Variants in NCKAP5 observed in about 807,000 individuals in gnomAD.
The protein encoded by NCKAP5 is nck-associated protein 5.
Under a neutral mutation model 167.0 loss-of-function variants are expected in NCKAP5, and 92 were observed. The ratio of observed to expected loss-of-function variants is 0.55; its 90% CI spans 0.47 to 0.66. The LOEUF is 0.66. Ranked by LOEUF, NCKAP5 falls within the 30% of genes least tolerant of loss-of-function variation. NCKAP5 has a pLI of 0.00. For missense variants in NCKAP5, 2,378 were observed against 2,315.0 expected, an observed-to-expected ratio of 1.03 and a Z score of -0.56; for synonymous variants, 891 against 877.4, an observed-to-expected ratio of 1.02 and a Z score of -0.27.
intron 3 of NCKAP5, among the ~76,000 whole-genome samples, chr2:133,481,742 T>C (rs760577446): frequency 5.3e-5 from 8 of 152,228 alleles, no homozygotes; most frequent in African/African-American, 7.2e-5. Flanking sequence ...GCTCCATCCA[T>C]GTGCCTGCAA....
chr2:133,466,981 C>T (rs971046254), intron 3 of NCKAP5, among the ~76,000 whole-genome samples: 1 of 152,072 alleles, frequency 6.6e-6, no homozygotes, highest in African/African-American at 2.4e-5. Context: ...TTCCTCTTTT[C>T]CTAATTGAAT....
intron 7 of NCKAP5, among the ~76,000 whole-genome samples, chr2:132,993,914 C>T (rs1458480889): frequency 6.6e-5 from 10 of 151,440 alleles, no homozygotes; most frequent in Admixed American, 5.9e-4. Context: ...TCACCACAAA[C>T]TTATTTTTTG....
chr2:132,781,721 G>A (rs1683048244), intron 14 of NCKAP5, among the ~76,000 whole-genome samples: 1 of 152,262 alleles, frequency 6.6e-6, no homozygotes, highest in South Asian at 2.1e-4. Flanking sequence ...AAGGCCATTG[G>A]TTTGGTTAAC....
intron 10 of NCKAP5, among the ~76,000 whole-genome samples, chr2:132,868,027 T>C (rs1461351037): frequency 6.6e-6 from 1 of 152,162 alleles, no homozygotes. Context: ...TTTTAAAGAA[T>C]ATTTAAGTAT....
At chr2:133,026,291 G>C (rs1008038140) in intron 6 of NCKAP5, among the ~76,000 whole-genome samples, 2 of 151,746 alleles carry the variant, frequency 1.3e-5, no homozygotes, top group South Asian at 2.1e-4. Flanking sequence ...CCATTCTGTA[G>C]GTTGTTTGAT....
At chr2:133,334,346 G>A (rs747344475) in intron 3 of NCKAP5, among the ~76,000 whole-genome samples, 4 of 152,152 alleles carry the variant, frequency 2.6e-5, no homozygotes, top group Admixed American at 6.5e-5. Flanking sequence ...AAGTGCTCAC[G>A]GTGGTGGTAA....
intron 3 of NCKAP5, among the ~76,000 whole-genome samples, chr2:133,410,868 A>G (rs377068449): frequency 6.6e-6 from 1 of 152,326 alleles, no homozygotes; most frequent in South Asian, 2.1e-4. Context: ...AACCACCCCA[A>G]GACTACAACA....
At chr2:133,126,092 T>C (rs748813278) in intron 6 of NCKAP5, among the ~76,000 whole-genome samples, 7 of 152,244 alleles carry the variant, frequency 4.6e-5, no homozygotes, top group Non-Finnish European at 1.0e-4. Context: ...CAGCTGAAAC[T>C]GCATAAAATT....
intron 11 of NCKAP5, among the ~76,000 whole-genome samples, chr2:132,833,323 G>A (rs1687650804): frequency 6.6e-6 from 1 of 152,082 alleles, no homozygotes; most frequent in Non-Finnish European, 1.5e-5. Context: ...TGCAGGTTCT[G>A]TTCACTCTGT....
chr2:133,264,128 C>T (rs994912327), intron 4 of NCKAP5, among the ~76,000 whole-genome samples: 2 of 152,218 alleles, frequency 1.3e-5, no homozygotes, highest in African/African-American at 2.4e-5. Context: ...TGGTAATATA[C>T]ATGTTACGTG....
At chr2:133,674,160 G>A in the NCKAP5 span, among the ~76,000 whole-genome samples, 1 of 151,904 alleles carries the variant, frequency 6.6e-6, no homozygotes, top group East Asian at 1.9e-4. Context: ...AATAAAGCAA[G>A]GCATTTCCAA....
chr2:132,908,262 G>A (rs909086766), intron 8 of NCKAP5, among the ~76,000 whole-genome samples: 5 of 151,862 alleles, frequency 3.3e-5, no homozygotes, highest in African/African-American at 1.2e-4. Flanking sequence ...AGTAGCTGTG[G>A]CCTGATTTCT....
intron 17 of NCKAP5, among the ~76,000 whole-genome samples, chr2:132,730,366 A>G (rs1241673149): frequency 6.6e-6 from 1 of 152,184 alleles, no homozygotes; most frequent in African/African-American, 2.4e-5. Flanking sequence ...ATGGTGGCAC[A>G]TGACTGTAAT....
chr2:133,372,406 C>A (rs2150915618), intron 3 of NCKAP5, among the ~76,000 whole-genome samples: 1 of 152,258 alleles, frequency 6.6e-6, no homozygotes, highest in Non-Finnish European at 1.5e-5. Context: ...GGATTTTAAG[C>A]CTGTAAGGGA....
intron 11 of NCKAP5, among the ~76,000 whole-genome samples, chr2:132,837,194 C>T (rs939306287): frequency 6.6e-6 from 1 of 152,180 alleles, no homozygotes; most frequent in African/African-American, 2.4e-5. Flanking sequence ...GGTAGCTTCT[C>T]TTTCCCCCAT....
At chr2:132,808,804 G>C (rs192953330) in intron 11 of NCKAP5, among the ~76,000 whole-genome samples, 1 of 151,890 alleles carries the variant, frequency 6.6e-6, no homozygotes, top group Admixed American at 6.6e-5. Context: ...CCTTTCTACT[G>C]CTGGGTTTGA....
intron 8 of NCKAP5, among the ~76,000 whole-genome samples, chr2:132,949,427 G>A (rs6716135): frequency 0.21 from 32,547 of 152,014 alleles, 3,873 homozygotes; most frequent in Admixed American, 0.39. Context: ...CCCAGAGCCT[G>A]CTGAAATCAT....
intron 19 of NCKAP5, among the ~76,000 whole-genome samples, chr2:132,695,924 A>T (rs1233206844): frequency 2.6e-5 from 4 of 152,162 alleles, no homozygotes; most frequent in Non-Finnish European, 4.4e-5. Context: ...AGCTTTGTTG[A>T]TTATTTTTCT....
At chr2:132,883,899 G>A (rs1691996000) in intron 8 of NCKAP5, among the ~76,000 whole-genome samples, 1 of 152,160 alleles carries the variant, frequency 6.6e-6, no homozygotes, top group African/African-American at 2.4e-5. Flanking sequence ...AGGCTAGTTT[G>A]TTACTTTAAT....
Sources: gnomAD v4.1 joint callset for allele counts (sites outside exome capture counted in the v4.1 genomes callset) on GRCh38, gnomAD v4.1.1 for gene constraint, MANE v1.5 for transcripts, NCBI Gene and HGNC (gene_info 2026-07-23, HGNC 2026-07-21) for gene names.